The following TNS1 variants were observed in gnomAD, a reference collection of about 807,000 sequenced individuals.
TNS1 encodes the protein tensin-1.
In TNS1, 62 loss-of-function variants were observed where a neutral mutation model predicts 168.6. That is an observed-to-expected ratio of 0.37 (90% confidence interval 0.30 to 0.45). The LOEUF (loss-of-function observed/expected upper bound fraction) is 0.45, where lower values mean the gene tolerates loss of function less well. Ranked by LOEUF, TNS1 falls within the 20% of genes least tolerant of loss-of-function variation. TNS1 has a pLI of 1.00. For missense variants in TNS1, 2,240 were observed against 2,339.4 expected (o/e 0.96, Z 0.88); for synonymous variants, 934 against 933.2 (o/e 1.00, Z -0.02).
intron 19 of TNS1, among the ~76,000 whole-genome samples, chr2:217,844,965 A>G (rs943641856): frequency 6.6e-6 from 1 of 152,214 alleles, no homozygotes; most frequent in Admixed American, 6.5e-5. Context: ...GATAACAGAC[A>G]TCCTTATTTT....
In TNS1 at chr2:217,818,064, C is replaced by T. The variant is rs375150652; in HGVS notation, c.4268G>A (p.Arg1423Gln). 8 of 1,611,036 alleles carry T rather than the reference C, an allele frequency of 5.0e-6. No homozygotes were observed. Among genetic ancestry groups the T allele is most frequent in the East Asian group, 4.5e-5 (2 of 44,764 alleles). Residue 1423 changes from arginine (R) to glutamine (Q), a missense_variant, in exon 24 of 33, where the codon CGG becomes CAG. Coordinates refer to ENST00000682258, the MANE Select transcript of TNS1 (RefSeq NM_001387777.1). ...AGAATAGCCACCATAGGCCACATGC[C>T]GGTCCAAGCAGGGGCTGCCGGGAAC... ...SVVPGSPCLD[R>Q]HVAYGGYSTP...
chr2:217,963,992 G>A (rs1286238272), intron 3 of TNS1, among the ~76,000 whole-genome samples: 1 of 151,748 alleles, frequency 6.6e-6, no homozygotes, highest in East Asian at 1.9e-4. Flanking sequence ...ACTGTTTCCA[G>A]TCCAACCTTC....
At chr2:217,906,204 A>T in intron 6 of TNS1, 131 bp downstream of exon 6, 1 of 629,068 alleles carries the variant, frequency 1.6e-6, no homozygotes, top group South Asian at 1.9e-5. Flanking sequence ...CCTGCCCACA[A>T]TGCCAGCCTC....
chr2:217,837,134 T>C (rs1574721999), intron 19 of TNS1, among the ~76,000 whole-genome samples: 1 of 152,208 alleles, frequency 6.6e-6, no homozygotes, highest in Non-Finnish European at 1.5e-5. Flanking sequence ...TTGACTCTCT[T>C]CTGGGAAGAG....
chr2:217,818,072 G>A lies in TNS1; in HGVS notation c.4260C>T (p.Cys1420=). The change falls in exon 24 of 33, where the codon TGC becomes TGT. Residue 1420 remains cysteine (C), a synonymous_variant. Coordinates refer to ENST00000682258, the MANE Select transcript of TNS1 (RefSeq NM_001387777.1). The part of the protein sequence containing the change: ...GSGSVVPGSP[C]LDRHVAYGGY... Reference sequence around the variant, plus strand: ...CACCATAGGCCACATGCCGGTCCAAGCAGGGGCTGCCGGGAACCACAGATC... The same window carrying A: ...CACCATAGGCCACATGCCGGTCCAAACAGGGGCTGCCGGGAACCACAGATC... 6.2e-7 allele frequency: 1 copy of A among 1,612,228 alleles called. No homozygotes were observed. Among genetic ancestry groups the A allele is most frequent in the Non-Finnish European group, 8.5e-7 (1 of 1,179,128 alleles).
At chr2:217,919,867 G>T (rs1407260928) in intron 4 of TNS1, among the ~76,000 whole-genome samples, 1 of 152,232 alleles carries the variant, frequency 6.6e-6, no homozygotes, top group Admixed American at 6.5e-5. Flanking sequence ...GCAGGCAGAA[G>T]GAGATGCCGT....
intron 3 of TNS1, among the ~76,000 whole-genome samples, chr2:217,978,252 C>A (rs907194382): frequency 3.9e-5 from 6 of 152,188 alleles, no homozygotes; most frequent in African/African-American, 1.4e-4. Context: ...GTCTCTCAGG[C>A]GGTTCCAGAC....
chr2:217,892,194 G>C (rs1002985087), intron 11 of TNS1, among the ~76,000 whole-genome samples: 4 of 152,150 alleles, frequency 2.6e-5, no homozygotes, highest in African/African-American at 9.7e-5. Flanking sequence ...CTGCCTCCCA[G>C]ATTCAAGGGA....
chr2:217,966,921 TG>T (rs11297892), intron 3 of TNS1, among the ~76,000 whole-genome samples: 16,942 of 152,278 alleles, frequency 0.11, 973 homozygotes, highest in South Asian at 0.15. Context: ...TTCCCTTCAA[TG>T]GCTCATCTGA....
At chr2:217,917,348 A>G (rs1955134907) in intron 4 of TNS1, among the ~76,000 whole-genome samples, 2 of 152,230 alleles carry the variant, frequency 1.3e-5, no homozygotes, top group African/African-American at 4.8e-5. Flanking sequence ...GCGGGGACAC[A>G]GCACCGAACA....
chr2:217,883,933 G>A (rs1367552626), intron 16 of TNS1, among the ~76,000 whole-genome samples: 1 of 152,158 alleles, frequency 6.6e-6, no homozygotes, highest in Non-Finnish European at 1.5e-5. Flanking sequence ...AGCAAGGATG[G>A]CATCTGCTCC....
chr2:218,020,605 T>C (rs555887005), intron 1 of TNS1, among the ~76,000 whole-genome samples: 2 of 151,780 alleles, frequency 1.3e-5, no homozygotes, highest in Admixed American at 6.6e-5. Context: ...AACATGATCC[T>C]AAAACAGGAA....
chr2:217,955,022 C>T (rs370082513), intron 3 of TNS1, among the ~76,000 whole-genome samples: 19 of 152,184 alleles, frequency 1.2e-4, no homozygotes, highest in East Asian at 1.9e-4. Flanking sequence ...CACCCAACAG[C>T]GGCTGGGTGC....
chr2:217,855,958 T>C lies in TNS1; in HGVS notation c.1430-6871A>G, dbSNP rs924925532. Among the ~76,000 whole-genome samples, 77 of 152,138 alleles carry C rather than the reference T, an allele frequency of 5.1e-4. 1 individual carries two copies. The highest frequency in any genetic ancestry group is 1.7e-3 in the African/African-American group (70 of 41,408). On this transcript the variant is annotated intron_variant, in intron 18 of 32. Transcript: ENST00000682258. ...CCAGAGCCTACCCCATGGCATCCCC[T>C]ACAGACCTCTCCAGCTACACTCCAG... is the stretch of plus-strand genomic sequence containing the variant.
chr2:218,006,012 T>C (rs1239760444), upstream of TNS1, among the ~76,000 whole-genome samples: 1 of 152,128 alleles, frequency 6.6e-6, no homozygotes, highest in Non-Finnish European at 1.5e-5. Flanking sequence ...GAGTACACAC[T>C]GGAGGACTGG....
intron 3 of TNS1, among the ~76,000 whole-genome samples, chr2:217,938,611 A>G (rs572828107): frequency 1.3e-5 from 2 of 152,372 alleles, no homozygotes; most frequent in South Asian, 4.1e-4. Context: ...TGCCATATCT[A>G]TGGGTGTAGC....
intron 4 of TNS1, among the ~76,000 whole-genome samples, chr2:217,916,219 C>T (rs867732857): frequency 8.5e-5 from 13 of 152,194 alleles, no homozygotes; most frequent in South Asian, 2.1e-4. Flanking sequence ...CCTCCTCGGG[C>T]TCCCATGGTG....
intron 3 of TNS1, among the ~76,000 whole-genome samples, chr2:217,967,718 T>G (rs973015880): frequency 7.2e-5 from 11 of 152,168 alleles, no homozygotes; most frequent in African/African-American, 2.7e-4. Context: ...CTTCACAGGT[T>G]TAAATGTTCT....
chr2:217,916,638 C>T (rs899593907), intron 4 of TNS1, among the ~76,000 whole-genome samples: 1 of 152,198 alleles, frequency 6.6e-6, no homozygotes, highest in African/African-American at 2.4e-5. Context: ...TCCCTTCTAC[C>T]CAAGGCCTTG....
Sources: allele counts gnomAD v4.1 joint callset (sites outside exome capture counted in the v4.1 genomes callset), GRCh38; gene constraint gnomAD v4.1.1; transcripts MANE v1.5; gene names NCBI Gene and HGNC (gene_info 2026-07-23, HGNC 2026-07-21).